YME1L1: variants seen among roughly 807,000 people sequenced by gnomAD.
YME1L1 encodes the protein ATP-dependent zinc metalloprotease YME1L1.
A neutral mutation model predicts 90.4 loss-of-function variants in YME1L1; 39 were observed. The ratio of observed to expected loss-of-function variants is 0.43; its 90% CI spans 0.33 to 0.56. YME1L1 has a LOEUF of 0.56. Among genes scored for constraint, YME1L1 ranks in the 20% least tolerant of loss-of-function variants. The probability of loss-of-function intolerance (pLI) is 0.03; values close to 1 mark genes in which losing one functional copy is unlikely to be tolerated. For missense variants in YME1L1, 617 were observed against 868.4 expected, an observed-to-expected ratio of 0.71 and a Z score of 3.64; for synonymous variants, 284 against 287.3, an observed-to-expected ratio of 0.99 and a Z score of 0.12.
intron 13 of YME1L1, 62 bp downstream of exon 13, chr10:27,120,373 A>T: frequency 3.3e-6 from 4 of 1,216,284 alleles, no homozygotes; most frequent in Non-Finnish European, 4.7e-6. Context: ...AAAGGACCAC[A>T]AACAGGGTGA....
At position 27,114,516 on chromosome 10, in the gene YME1L1, A is replaced by C; in HGVS notation, c.2007+5T>G. 1 of 1,604,052 alleles carries C rather than the reference A, an allele frequency of 6.2e-7. No homozygotes were observed. Among genetic ancestry groups the C allele is most frequent in the Non-Finnish European group, 8.5e-7 (1 of 1,176,330 alleles). ...AAAATAAATAAGCACAAAAAATATT[A>C]TTACCCTTAGAAGGATTCTTATTTC... On this transcript the variant is annotated splice_donor_5th_base_variant and intron_variant, in intron 18 of 18. Transcript: ENST00000376016.
chr10:27,120,879 C>A (rs775734595), intron 12 of YME1L1, among the ~76,000 whole-genome samples: 5 of 152,144 alleles, frequency 3.3e-5, no homozygotes, highest in Non-Finnish European at 5.9e-5. Context: ...CTGCTAAGTA[C>A]AGAATGTTAG....
intron 9 of YME1L1, among the ~76,000 whole-genome samples, chr10:27,125,897 G>A (rs923426349): frequency 5.3e-5 from 8 of 151,854 alleles, no homozygotes; most frequent in African/African-American, 1.5e-4. Flanking sequence ...GACTGGTCTC[G>A]AACTCCTGAT....
intron 8 of YME1L1, among the ~76,000 whole-genome samples, chr10:27,128,823 G>A (rs2056946991): frequency 6.6e-6 from 1 of 151,936 alleles, no homozygotes; most frequent in African/African-American, 2.4e-5. Flanking sequence ...GCGGGAGGAT[G>A]GCTGGAGCCC....
chr10:27,122,595 C>T (rs1457423033), intron 11 of YME1L1, among the ~76,000 whole-genome samples: 3 of 152,020 alleles, frequency 2.0e-5, no homozygotes, highest in Non-Finnish European at 4.4e-5. Flanking sequence ...GATATAAATA[C>T]CATAAATTAA....
chr10:27,148,997 G>C lies in YME1L1; in HGVS notation c.77C>G (p.Pro26Arg), dbSNP rs759807900. Residue 26 changes from proline (P) to arginine (R), a missense_variant, in exon 2 of 19, where the codon CCA (proline) becomes CGA (arginine). Pro to Arg is a moderately radical substitution (Grantham distance 103, BLOSUM62 -2). Around this residue, in one of 4 missense-constraint regions of YME1L1, gnomAD observed 311 missense variants for 335.8 expected, o/e 0.93. Transcript: ENST00000376016. ...ACTGAGAGAAACAGAAGTGTTTTTTGGTGTATGGAAGGCATTGATGAGATG... is the reference window on the plus strand; with the variant it reads ...ACTGAGAGAAACAGAAGTGTTTTTTCGTGTATGGAAGGCATTGATGAGATG... The part of the protein sequence containing the change: ...LSHLINAFHT[P>R]KNTSVSLSGV... The C allele has an allele frequency of 1.2e-6, 2 of 1,613,692 alleles. No homozygotes were observed. The highest frequency in any genetic ancestry group is 1.3e-5 in the African/African-American group (1 of 74,978).
At chr10:27,138,499 A>G (rs545751399) in intron 4 of YME1L1, among the ~76,000 whole-genome samples, 4 of 152,242 alleles carry the variant, frequency 2.6e-5, no homozygotes, top group East Asian at 3.9e-4. Context: ...TTCCTTCAGT[A>G]AAGCTTCATA....
chr10:27,152,889 T>A (rs55955460), intron 1 of YME1L1, among the ~76,000 whole-genome samples: 33,731 of 152,090 alleles, frequency 0.22, 4,025 homozygotes, highest in East Asian at 0.41. Context: ...CAAAAGCCAG[T>A]CATCTCTTAA....
chr10:27,141,601 GACACACAC>G (rs60043957), intron 4 of YME1L1, among the ~76,000 whole-genome samples: 11,860 of 141,300 alleles, frequency 0.084, 770 homozygotes, highest in African/African-American at 0.18. Flanking sequence ...GATGTCCCTC[GACACACAC>G]ACACACACAC....
Position 27,110,814 on chromosome 10 carries a change from T to G in YME1L1, c.*1163A>C, listed in dbSNP as rs189272390. 3.0e-4 allele frequency: 45 copies of G among 152,286 alleles called. No homozygotes were observed. The highest frequency in any genetic ancestry group is 1.1e-3 in the African/African-American group (44 of 41,556). 9.4% of individuals were successfully genotyped at this position (152,286 alleles called of 1,614,324 possible). A position where few individuals can be genotyped will look rare whatever the true frequency, so the allele number is the denominator to read the frequency against. On this transcript the variant is annotated 3_prime_UTR_variant, in exon 19 of 19. Coordinates refer to ENST00000376016, the MANE Select transcript of YME1L1 (RefSeq NM_014263.4). ...ATTTCATTAGGGAGAGTGACAGTAA[T>G]GCTAAAAAAAAGAACATGAAAATGC...
chr10:27,139,947 G>A (rs957931995), intron 4 of YME1L1, among the ~76,000 whole-genome samples: 11 of 151,988 alleles, frequency 7.2e-5, no homozygotes, highest in Non-Finnish European at 1.3e-4. Flanking sequence ...TTTGCTTTGT[G>A]TGTATTAATT....
chr10:27,131,650 G>C (rs1280180732), intron 8 of YME1L1, among the ~76,000 whole-genome samples: 3 of 152,142 alleles, frequency 2.0e-5, no homozygotes, highest in Non-Finnish European at 4.4e-5. Context: ...CACTACACCA[G>C]GCTGCTCCTT....
chr10:27,124,048 C>T (rs1321415506), intron 9 of YME1L1, among the ~76,000 whole-genome samples: 1 of 152,002 alleles, frequency 6.6e-6, no homozygotes. Context: ...TTAGTGAATC[C>T]TGATTTGATG....
Position 27,136,296 on chromosome 10 carries a change from T to C in YME1L1, c.520A>G (p.Ile174Val). The change falls in exon 5 of 19, where the codon ATA (isoleucine) becomes GTA (valine). Residue 174 changes from isoleucine to valine, a missense_variant. Ile to Val is a conservative substitution (Grantham distance 29, BLOSUM62 3). Around this residue, in one of 4 missense-constraint regions of YME1L1, gnomAD observed 311 missense variants for 335.8 expected, o/e 0.93. Coordinates refer to ENST00000376016, the MANE Select transcript of YME1L1 (RefSeq NM_014263.4). Reference protein sequence around the residue: ...TSERLAETQNIAPSFVKGFLL... With the variant: ...TSERLAETQNVAPSFVKGFLL... ...ATTACCTTCACGAATGATGGCGCTA[T>C]ATTCTGTGTTTCAGCTAATCTCTCG... 1 of 1,613,148 alleles carries C rather than the reference T, an allele frequency of 6.2e-7. No individual in the cohort carries two copies. Among genetic ancestry groups the C allele is most frequent in the Non-Finnish European group, 8.5e-7 (1 of 1,179,730 alleles).
chr10:27,138,400 A>G (rs2057051369), intron 4 of YME1L1, among the ~76,000 whole-genome samples: 1 of 152,082 alleles, frequency 6.6e-6, no homozygotes, highest in African/African-American at 2.4e-5. Context: ...TGACTTTACA[A>G]ATTTGGGTGT....
intron 18 of YME1L1, among the ~76,000 whole-genome samples, chr10:27,112,829 G>C (rs1306827928): frequency 6.6e-6 from 1 of 151,970 alleles, no homozygotes; most frequent in East Asian, 1.9e-4. Flanking sequence ...AGCCCAAGTA[G>C]CTGGGACTAC....
intron 9 of YME1L1, 140 bp downstream of exon 9, chr10:27,126,556 A>T (rs2135861010): frequency 1.9e-6 from 1 of 532,302 alleles, no homozygotes; most frequent in Admixed American, 3.9e-5. Flanking sequence ...GTATGTTCAG[A>T]ATGAACATCT....
intron 18 of YME1L1, among the ~76,000 whole-genome samples, chr10:27,113,684 A>G (rs1378545397): frequency 1.3e-5 from 2 of 151,522 alleles, no homozygotes; most frequent in African/African-American, 4.8e-5. Context: ...AAAAAAAAAA[A>G]AAAAGAAAAA....
intron 2 of YME1L1, chr10:27,146,135 C>A (rs770450218): frequency 6.6e-6 from 1 of 152,154 alleles, no homozygotes; most frequent in African/African-American, 2.4e-5. Flanking sequence ...TGGGGAAATT[C>A]CATTCAAATG....
Sources: gnomAD v4.1 joint callset for allele counts (sites outside exome capture counted in the v4.1 genomes callset) on GRCh38, gnomAD v4.1.1 for gene constraint, gnomAD v4.1.1 regional missense constraint, MANE v1.5 for transcripts, NCBI Gene and HGNC (gene_info 2026-07-23, HGNC 2026-07-21) for gene names.